Variants in SNX13 observed in about 807,000 individuals in gnomAD.
SNX13 encodes the protein sorting nexin-13.
Under a neutral mutation model 133.6 loss-of-function variants are expected in SNX13, and 45 were observed. That is an observed-to-expected ratio of 0.34 (90% confidence interval 0.27 to 0.43). The LOEUF (loss-of-function observed/expected upper bound fraction) is 0.43. Ranked by LOEUF, SNX13 falls within the 20% of genes least tolerant of loss-of-function variation. SNX13 has a pLI of 1.00. For synonymous variants in SNX13, 414 were observed against 373.9 expected, an observed-to-expected ratio of 1.11 and a Z score of -1.24; for missense variants, 1,032 against 1,145.1, an observed-to-expected ratio of 0.90 and a Z score of 1.43.
At chr7:17,886,883 A>G (rs1342773745) in intron 5 of SNX13, among the ~76,000 whole-genome samples, 3 of 152,042 alleles carry the variant, frequency 2.0e-5, no homozygotes, top group African/African-American at 7.2e-5. Context: ...GCTACATGAC[A>G]AACCGCTCTC....
intron 1 of SNX13, among the ~76,000 whole-genome samples, chr7:17,923,070 C>A (rs1028633829): frequency 3.3e-5 from 5 of 152,184 alleles, no homozygotes; most frequent in Non-Finnish European, 7.3e-5. Flanking sequence ...ATGGTTAACT[C>A]ATTTACATTC....
chr7:17,830,439 T>C, intron 15 of SNX13: 1 of 984,250 alleles, frequency 1.0e-6, no homozygotes, highest in Non-Finnish European at 1.2e-6. Flanking sequence ...TCTGTCTCAT[T>C]GGATTAAGAA....
chr7:17,861,182 T>A (rs1371524736), intron 9 of SNX13, among the ~76,000 whole-genome samples: 2 of 152,048 alleles, frequency 1.3e-5, no homozygotes, highest in African/African-American at 2.4e-5. Context: ...TGCACAGATA[T>A]TTTTATTCCT....
At chr7:17,893,846 C>T (rs1458347121) in intron 2 of SNX13, among the ~76,000 whole-genome samples, 1 of 150,846 alleles carries the variant, frequency 6.6e-6, no homozygotes, top group African/African-American at 2.4e-5. Context: ...GTGGCTTGCA[C>T]CTGTAGTCCC....
At chr7:17,798,023 G>A (rs1169250877) in intron 24 of SNX13, among the ~76,000 whole-genome samples, 5 of 151,820 alleles carry the variant, frequency 3.3e-5, no homozygotes, top group South Asian at 2.1e-4. Context: ...GTTCAATACT[G>A]ATAGTTCCCT....
intron 1 of SNX13, among the ~76,000 whole-genome samples, chr7:17,929,023 T>A (rs1336719616): frequency 6.6e-6 from 1 of 152,098 alleles, no homozygotes; most frequent in African/African-American, 2.4e-5. Flanking sequence ...AAATAGAAGT[T>A]AAATTTTCTA....
chr7:17,939,772 T>TA (rs1366705950), intron 1 of SNX13, among the ~76,000 whole-genome samples: 1 of 151,914 alleles, frequency 6.6e-6, no homozygotes, highest in Non-Finnish European at 1.5e-5. Flanking sequence ...CAGCTTGAGA[T>TA]AAAAAAGTCC....
intron 1 of SNX13, among the ~76,000 whole-genome samples, chr7:17,930,661 T>C (rs1384260826): frequency 6.6e-6 from 1 of 152,206 alleles, no homozygotes; most frequent in African/African-American, 2.4e-5. Context: ...AAGTATATTA[T>C]TTCAGTTTCT....
At chr7:17,936,110 A>G (rs767614641) in intron 1 of SNX13, among the ~76,000 whole-genome samples, 1 of 152,198 alleles carries the variant, frequency 6.6e-6, no homozygotes, top group Non-Finnish European at 1.5e-5. Context: ...ATTCACCTCC[A>G]TGGTTAAATG....
intron 18 of SNX13, among the ~76,000 whole-genome samples, chr7:17,819,455 G>C (rs1401579804): frequency 6.6e-6 from 1 of 152,040 alleles, no homozygotes; most frequent in African/African-American, 2.4e-5. Flanking sequence ...TCAAACTCCT[G>C]ACCTCAAGCA....
chr7:17,797,075 A>G, intron 24 of SNX13, 136 bp from the exon 25 acceptor site: 2 of 667,974 alleles, frequency 3.0e-6, no homozygotes, highest in South Asian at 3.9e-5. Context: ...ACATATAGCT[A>G]TAATGATATT....
At chr7:17,922,491 T>C (rs1245516794) in intron 1 of SNX13, among the ~76,000 whole-genome samples, 3 of 152,218 alleles carry the variant, frequency 2.0e-5, no homozygotes, top group Admixed American at 6.5e-5. Context: ...TCCCAGTAAG[T>C]ATGTGTTAAC....
chr7:17,847,030 A>G (rs1367062210), intron 11 of SNX13, among the ~76,000 whole-genome samples: 4 of 152,208 alleles, frequency 2.6e-5, no homozygotes, highest in Non-Finnish European at 4.4e-5. Flanking sequence ...AGGCTTGCAA[A>G]CAAAATATCT....
intron 1 of SNX13, among the ~76,000 whole-genome samples, chr7:17,933,171 C>A (rs919445898): frequency 6.6e-6 from 1 of 152,216 alleles, no homozygotes; most frequent in Non-Finnish European, 1.5e-5. Context: ...TTTCTTCCCA[C>A]AAATGTTTGG....
chr7:17,821,713 A>G (rs779121459), intron 17 of SNX13, 65 bp from the exon 18 acceptor site: 9 of 1,520,998 alleles, frequency 5.9e-6, no homozygotes, highest in Non-Finnish European at 6.2e-6. Context: ...AAGAGGAACG[A>G]AAGACACAAA....
At chr7:17,919,903 G>A (rs772197811) in intron 1 of SNX13, among the ~76,000 whole-genome samples, 4 of 152,142 alleles carry the variant, frequency 2.6e-5, no homozygotes, top group Admixed American at 1.3e-4. Context: ...GGCCAAGGCA[G>A]TAGGATCATT....
chr7:17,939,335 T>A (rs984715196), intron 1 of SNX13, among the ~76,000 whole-genome samples: 5 of 152,208 alleles, frequency 3.3e-5, no homozygotes, highest in African/African-American at 1.2e-4. Flanking sequence ...ATCCTCACAG[T>A]ACTTAAAGTG....
At chr7:17,812,239 G>A (rs1786132873) in intron 20 of SNX13, among the ~76,000 whole-genome samples, 1 of 152,064 alleles carries the variant, frequency 6.6e-6, no homozygotes, top group Non-Finnish European at 1.5e-5. Flanking sequence ...GAAAATTTTT[G>A]CAATCTATCC....
At chr7:17,907,930 T>G (rs1046714159) in intron 1 of SNX13, among the ~76,000 whole-genome samples, 1 of 152,216 alleles carries the variant, frequency 6.6e-6, no homozygotes, top group Non-Finnish European at 1.5e-5. Context: ...TCCACCCATA[T>G]GTACTGTGAC....
Sources: allele counts gnomAD v4.1 joint callset (sites outside exome capture counted in the v4.1 genomes callset), GRCh38; gene constraint gnomAD v4.1.1; transcripts MANE v1.5; gene names NCBI Gene and HGNC (gene_info 2026-07-23, HGNC 2026-07-21).